Variants in MCM9 observed in about 807,000 individuals in gnomAD.
MCM9 encodes DNA helicase MCM9.
In MCM9, 55 loss-of-function variants were observed where a neutral mutation model predicts 72.8. The ratio of observed to expected loss-of-function variants is 0.76; its 90% CI spans 0.61 to 0.95. The LOEUF is 0.95. Among genes scored for constraint, MCM9 ranks in the 40% least tolerant of loss-of-function variants. MCM9 has a pLI of 0.00. For synonymous variants in MCM9, 480 were observed against 503.4 expected, an observed-to-expected ratio of 0.95 and a Z score of 0.62; for missense variants, 1,279 against 1,377.0, an observed-to-expected ratio of 0.93 and a Z score of 1.13.
intron 8 of MCM9, among the ~76,000 whole-genome samples, chr6:118,865,549 G>A (rs569627987): frequency 6.6e-6 from 1 of 152,298 alleles, no homozygotes; most frequent in East Asian, 1.9e-4. Context: ...CTCTCCAGAA[G>A]GGGCTTATAA....
At position 118,815,245 on chromosome 6, in the gene MCM9, C is replaced by T. The variant is rs1436393646; in HGVS notation, c.3011G>A (p.Arg1004Lys). 1.9e-6 allele frequency: 3 copies of T among 1,550,572 alleles called. No homozygotes were observed. The highest frequency in any genetic ancestry group is 2.6e-6 in the Non-Finnish European group (3 of 1,146,960). The change falls in exon 14 of 14, where the codon AGA becomes AAA. Residue 1004 changes from arginine to lysine, a missense_variant. By Grantham distance (26) the Arg-to-Lys change is conservative. Coordinates refer to ENST00000619706, the MANE Select transcript of MCM9 (RefSeq NM_017696.3). Reference protein sequence around the residue: ...SQQPPEKHGPREKVMCAPEKR... With the variant: ...SQQPPEKHGPKEKVMCAPEKR... ...CTCAGGGGCACACATCACCTTCTCT[C>T]TTGGTCCGTGTTTCTCTGGTGGCTG...
intron 9 of MCM9, among the ~76,000 whole-genome samples, chr6:118,834,317 A>G (rs1021563241): frequency 2.0e-5 from 3 of 148,642 alleles, no homozygotes; most frequent in African/African-American, 4.9e-5. Context: ...GCTGCAATAA[A>G]CATACGTGTG....
At chr6:118,903,552 G>C (rs1458328821) in intron 8 of MCM9, among the ~76,000 whole-genome samples, 2 of 152,106 alleles carry the variant, frequency 1.3e-5, no homozygotes, top group Non-Finnish European at 2.9e-5. Context: ...TACGTTCTTA[G>C]ATAATTTGTG....
chr6:118,835,943 C>T (rs1774926720), intron 9 of MCM9, among the ~76,000 whole-genome samples: 1 of 152,142 alleles, frequency 6.6e-6, no homozygotes, highest in South Asian at 2.1e-4. Context: ...AAGGGGAATG[C>T]TTCCAGCTTT....
intron 4 of MCM9, among the ~76,000 whole-genome samples, chr6:118,922,410 T>A (rs763581323): frequency 2.1e-4 from 32 of 152,330 alleles, no homozygotes; most frequent in Non-Finnish European, 4.0e-4. Context: ...TCTTTCCTGA[T>A]CGCTAATCAA....
chr6:118,878,197 C>T (rs925091604), intron 8 of MCM9, among the ~76,000 whole-genome samples: 4 of 151,894 alleles, frequency 2.6e-5, no homozygotes, highest in Admixed American at 6.6e-5. Flanking sequence ...AAGTATTGTA[C>T]AGCTAAACAC....
chr6:118,874,445 TAA>T (rs1349422127), intron 8 of MCM9, among the ~76,000 whole-genome samples: 1 of 152,152 alleles, frequency 6.6e-6, no homozygotes, highest in African/African-American at 2.4e-5. Context: ...CTCAACTTTA[TAA>T]AGACTCTCTA....
In MCM9 at chr6:118,846,451, G is replaced by C. The variant is rs147425485; in HGVS notation, c.1325+9920C>G. 4.7e-3 allele frequency among the ~76,000 whole-genome samples: 718 copies of C among 151,930 alleles called. 2 individuals carry two copies. The highest frequency in any genetic ancestry group is 5.0e-3 in the Non-Finnish European group (342 of 68,022). On this transcript the variant is annotated intron_variant, in intron 9 of 13. Coordinates refer to ENST00000619706, the MANE Select transcript of MCM9 (RefSeq NM_017696.3). The stretch of plus-strand genomic sequence containing the variant: ...CACAGATAAAATGCCAGGAGGAGGA[G>C]AGAATCCCATGTAGAGTGGGGAAAT...
At chr6:118,843,644 A>ATATATATATATACGTG in intron 9 of MCM9, among the ~76,000 whole-genome samples, 453 of 43,994 alleles carry the variant, frequency 0.01, 47 homozygotes, top group African/African-American at 0.05. Context: ...AACAAAACAT[A>ATATATATATATACGTG]TATATATATA....
chr6:118,917,025 A>C (rs538533732), intron 6 of MCM9, among the ~76,000 whole-genome samples: 3 of 152,318 alleles, frequency 2.0e-5, no homozygotes, highest in African/African-American at 7.2e-5. Flanking sequence ...TACACTACAA[A>C]CCCAATGGCT....
intron 3 of MCM9, among the ~76,000 whole-genome samples, chr6:118,928,401 A>G (rs1334131714): frequency 6.6e-6 from 1 of 151,908 alleles, no homozygotes; most frequent in Non-Finnish European, 1.5e-5. Flanking sequence ...ACAGAGTGAG[A>G]CTCCATCTCA....
intron 9 of MCM9, among the ~76,000 whole-genome samples, chr6:118,847,422 C>CAAAAAAAAAAAAAAAA (rs368957444): frequency 8.8e-6 from 1 of 113,890 alleles, no homozygotes. Flanking sequence ...CATGAATCTT[C>CAAAAAAAAAAAAAAAA]AAAAAAAAAA....
rs568801831 is a variant in MCM9 at position 118,871,162 on chromosome 6, A to G, written c.1151-14617T>C. ...CACTACAAAAAAAATTTACAGGCCA[A>G]TATCACTGATTAACAGAGATACAAA... On this transcript the variant is annotated intron_variant, in intron 8 of 13. Transcript: ENST00000619706. 2.0e-5 allele frequency among the ~76,000 whole-genome samples: 3 copies of G among 152,326 alleles called. No individual in the cohort carries two copies. In the South Asian group the frequency reaches 6.2e-4, roughly 32 times the overall value.
At chr6:118,879,597 A>T (rs565968540) in intron 8 of MCM9, among the ~76,000 whole-genome samples, 1 of 152,362 alleles carries the variant, frequency 6.6e-6, no homozygotes, top group East Asian at 1.9e-4. Context: ...CTTTCATATT[A>T]TAATGGCAGA....
chr6:118,897,943 TG>T (rs1171257236), intron 8 of MCM9, among the ~76,000 whole-genome samples: 1 of 152,218 alleles, frequency 6.6e-6, no homozygotes, highest in Non-Finnish European at 1.5e-5. Context: ...AAGTGTTCCC[TG>T]AGTTGCAGCC....
intron 13 of MCM9, among the ~76,000 whole-genome samples, chr6:118,821,646 T>C (rs1773818890): frequency 6.6e-6 from 1 of 152,208 alleles, no homozygotes; most frequent in African/African-American, 2.4e-5. Context: ...TCTCTGTATT[T>C]CCTGAATTTG....
At chr6:118,898,118 G>T (rs576545313) in intron 8 of MCM9, among the ~76,000 whole-genome samples, 1 of 152,222 alleles carries the variant, frequency 6.6e-6, no homozygotes, top group Admixed American at 6.5e-5. Flanking sequence ...GCATAGCTTG[G>T]ATTCTGATTC....
intron 8 of MCM9, among the ~76,000 whole-genome samples, chr6:118,883,791 G>A (rs1778440100): frequency 6.6e-6 from 1 of 152,066 alleles, no homozygotes; most frequent in Admixed American, 6.5e-5. Context: ...AACAAAAACT[G>A]GGAGCATCAG....
chr6:118,863,584 C>T (rs560023937), intron 8 of MCM9, among the ~76,000 whole-genome samples: 3 of 152,084 alleles, frequency 2.0e-5, no homozygotes, highest in African/African-American at 7.2e-5. Flanking sequence ...AATCTTAATC[C>T]CCATCATAAC....
Sources: gnomAD v4.1 joint callset for allele counts (sites outside exome capture counted in the v4.1 genomes callset) on GRCh38, gnomAD v4.1.1 for gene constraint, MANE v1.5 for transcripts, NCBI Gene and HGNC (gene_info 2026-07-23, HGNC 2026-07-21) for gene names.